The following SLC14A2 variants were observed in gnomAD, a reference collection of about 807,000 sequenced individuals.
The protein encoded by SLC14A2 is urea transporter 2.
In SLC14A2, 91 loss-of-function variants were observed where a neutral mutation model predicts 104.6. The observed-to-expected ratio is 0.87, with a 90% confidence interval of 0.73 to 1.04. The LOEUF (loss-of-function observed/expected upper bound fraction) is 1.04, where lower values mean the gene tolerates loss of function less well. Ranked by LOEUF, SLC14A2 falls within the 50% of genes least tolerant of loss-of-function variation. The pLI is 0.00. For synonymous variants in SLC14A2, 476 were observed against 466.4 expected (o/e 1.02, Z -0.27); for missense variants, 1,189 against 1,156.0 (o/e 1.03, Z -0.41).
chr18:45,259,942 T>C (rs1364094204), intron 1 of SLC14A2, among the ~76,000 whole-genome samples: 3 of 152,168 alleles, frequency 2.0e-5, no homozygotes, highest in Non-Finnish European at 1.5e-5. Flanking sequence ...ATTTGTCTTC[T>C]CAGATATGGT....
upstream of SLC14A2, chr18:45,615,042 C>G (rs1350853150): frequency 6.6e-6 from 1 of 152,202 alleles, no homozygotes; most frequent in African/African-American, 2.4e-5. Flanking sequence ...AGTGATCCAC[C>G]CGACTCGGCC....
rs1850656239 is a variant in SLC14A2, at chr18:45,260,935, G to A, written c.-125+47744G>A. ...AGGACCATCCGTACCCCAAACCTCA[G>A]CATCGTGCAATATACCCATGTAACA... On this transcript the variant is annotated intron_variant, in intron 1 of 20. Transcript: ENST00000586448. Among the ~76,000 whole-genome samples, 3 of 152,018 alleles carry A rather than the reference G, an allele frequency of 2.0e-5. No individual in the cohort carries two copies. In the South Asian group the frequency reaches 6.2e-4, roughly 32 times the overall value.
chr18:45,258,964 C>T (rs1325983104), intron 1 of SLC14A2, among the ~76,000 whole-genome samples: 1 of 152,230 alleles, frequency 6.6e-6, no homozygotes, highest in Non-Finnish European at 1.5e-5. Context: ...TGCAGCGTCT[C>T]ATCCAGGAAC....
intron 2 of SLC14A2, among the ~76,000 whole-genome samples, chr18:45,557,142 A>G (rs2044143607): frequency 6.6e-6 from 1 of 152,190 alleles, no homozygotes; most frequent in African/African-American, 2.4e-5. Flanking sequence ...TTGCATTCTT[A>G]GTTTTGCTGC....
At position 45,673,271 on chromosome 18, in the gene SLC14A2, T is replaced by A. The variant is rs572701630; in HGVS notation, c.2377+224T>A. Among the ~76,000 whole-genome samples the A allele has an allele frequency of 3.9e-5, 6 of 152,338 alleles. No individual in the cohort carries two copies. The South Asian group carries it at 1.0e-3, about 26-fold the overall frequency. On this transcript the variant is annotated intron_variant, in intron 17 of 19. Transcript: ENST00000255226. ...GGTGTTAGTCATTCACACCTTAGTA[T>A]AAATTTAAAGTTTGGGGGAAGTTTC... is the stretch of plus-strand genomic sequence containing the variant.
intron 1 of SLC14A2, among the ~76,000 whole-genome samples, chr18:45,275,804 C>T (rs949679912): frequency 1.2e-4 from 18 of 152,132 alleles, no homozygotes; most frequent in African/African-American, 4.3e-4. Context: ...AGATCAAAAT[C>T]CCTGTCTTCA....
In SLC14A2 at chr18:45,598,542, G is replaced by A. The variant is rs529029572; in HGVS notation, c.-34-26089G>A. The stretch of plus-strand genomic sequence containing the variant: ...TATTTTATGACTGTGTTGGTATTGA[G>A]ATAAATATAATGCAAGCAAGATAGT... On this transcript the variant is annotated intron_variant, in intron 2 of 20. Transcript: ENST00000586448. 1.3e-4 allele frequency among the ~76,000 whole-genome samples: 20 copies of A among 152,258 alleles called. No homozygotes were observed. The South Asian group carries it at 4.2e-3, about 32-fold the overall frequency.
chr18:45,308,526 C>G (rs1245134096), intron 1 of SLC14A2, among the ~76,000 whole-genome samples: 1 of 152,196 alleles, frequency 6.6e-6, no homozygotes, highest in Admixed American at 6.5e-5. Flanking sequence ...AGCTGCCCCT[C>G]CTTTATCTCT....
At chr18:45,655,072 A>G (rs898830369) in intron 10 of SLC14A2, among the ~76,000 whole-genome samples, 2 of 152,148 alleles carry the variant, frequency 1.3e-5, no homozygotes, top group African/African-American at 4.8e-5. Flanking sequence ...CCTCAGAAAC[A>G]CCAATAGAAC....
In SLC14A2 at chr18:45,439,118, C is replaced by T. The variant is rs2086642977; in HGVS notation, c.-124-44115C>T. ...TAGGCAATATGGCCAGGTGCCATCT[C>T]TATAAAAATAAAAATTAAAAAATTA... On this transcript the variant is annotated intron_variant, in intron 1 of 20. Transcript: ENST00000586448. Among the ~76,000 whole-genome samples, 3 of 152,226 alleles carry T rather than the reference C, an allele frequency of 2.0e-5. No individual in the cohort carries two copies. In the South Asian group the frequency reaches 6.2e-4, roughly 32 times the overall value.
chr18:45,535,826 T>TC (rs939555491), intron 2 of SLC14A2, among the ~76,000 whole-genome samples: 1 of 152,154 alleles, frequency 6.6e-6, no homozygotes, highest in Non-Finnish European at 1.5e-5. Context: ...ACAGTCTTTA[T>TC]CCCCTAGCCC....
chr18:45,530,150 T>G (rs1203836034), intron 2 of SLC14A2, among the ~76,000 whole-genome samples: 1 of 152,218 alleles, frequency 6.6e-6, no homozygotes, highest in Non-Finnish European at 1.5e-5. Flanking sequence ...CATGAAGTGT[T>G]TATTGAGTAT....
chr18:45,456,713 G>C (rs1016828986), intron 1 of SLC14A2, among the ~76,000 whole-genome samples: 3 of 151,358 alleles, frequency 2.0e-5, no homozygotes, highest in African/African-American at 7.3e-5. Context: ...AATTAACCTT[G>C]AGAGAGTGGT....
chr18:45,243,279 A>G (rs1456574864), intron 1 of SLC14A2, among the ~76,000 whole-genome samples: 1 of 152,232 alleles, frequency 6.6e-6, no homozygotes, highest in Non-Finnish European at 1.5e-5. Flanking sequence ...GAGAGCTTGC[A>G]TGTGTGCCAA....
At chr18:45,228,001 A>G (rs1485317139) in intron 1 of SLC14A2, among the ~76,000 whole-genome samples, 1 of 152,206 alleles carries the variant, frequency 6.6e-6, no homozygotes, top group Non-Finnish European at 1.5e-5. Flanking sequence ...GGATTGTATC[A>G]CTTTAAATCG....
At chr18:45,279,590 C>G (rs2084740375) in intron 1 of SLC14A2, among the ~76,000 whole-genome samples, 1 of 152,020 alleles carries the variant, frequency 6.6e-6, no homozygotes, top group Non-Finnish European at 1.5e-5. Flanking sequence ...ATGCCTTGAG[C>G]AGATGAACCA....
intron 2 of SLC14A2, among the ~76,000 whole-genome samples, chr18:45,548,136 G>A (rs116889343): frequency 1.3e-4 from 20 of 152,302 alleles, no homozygotes; most frequent in East Asian, 9.7e-4. Flanking sequence ...CATGATAGCC[G>A]TGAAGTGAAT....
chr18:45,380,387 G>C (rs1167423697), intron 1 of SLC14A2, among the ~76,000 whole-genome samples: 2 of 152,210 alleles, frequency 1.3e-5, no homozygotes, highest in African/African-American at 2.4e-5. Context: ...ATCTGAGTAA[G>C]AGAATGTTAG....
At chr18:45,622,742 G>A (rs2045194487) in intron 1 of SLC14A2, among the ~76,000 whole-genome samples, 1 of 152,144 alleles carries the variant, frequency 6.6e-6, no homozygotes, top group South Asian at 2.1e-4. Flanking sequence ...TCAACTCTCA[G>A]AACACCACTG....
Sources: gnomAD v4.1 joint callset for allele counts (sites outside exome capture counted in the v4.1 genomes callset) on GRCh38, gnomAD v4.1.1 for gene constraint, MANE v1.5 for transcripts, NCBI Gene and HGNC (gene_info 2026-07-23, HGNC 2026-07-21) for gene names.